The following MCAM variants were observed in gnomAD, a reference collection of about 807,000 sequenced individuals.
MCAM encodes the protein melanoma cell adhesion molecule, also known as cell surface glycoprotein MUC18.
In MCAM, 55 loss-of-function variants were observed where a neutral mutation model predicts 79.1. That is an observed-to-expected ratio of 0.70 (90% CI 0.56 to 0.87). The LOEUF is 0.87. MCAM is among the 40% of genes least tolerant of loss of function. The pLI, the probability that MCAM is intolerant of heterozygous loss-of-function variation, is 0.00. For missense variants in MCAM, 745 were observed against 839.8 expected, an observed-to-expected ratio of 0.89 and a Z score of 1.40; for synonymous variants, 330 against 339.8, an observed-to-expected ratio of 0.97 and a Z score of 0.32.
At chr11:119,313,087 T>G (rs546494246) in intron 5 of MCAM, 138 bp from the exon 6 acceptor site, 40 of 1,543,234 alleles carry the variant, frequency 2.6e-5, no homozygotes, top group African/African-American at 2.2e-4. Flanking sequence ...AAATGCAAGC[T>G]GGAAACCCTT....
At chr11:119,313,184 G>A (rs746054241) in intron 5 of MCAM, 1 of 1,493,346 alleles carries the variant, frequency 6.7e-7, no homozygotes, top group South Asian at 1.2e-5. Context: ...AAAGAATGCT[G>A]CAATGATAAA....
chr11:119,312,357 C>T lies in MCAM; in HGVS notation c.933G>A (p.Arg311=), dbSNP rs35607515. ...ATTCATAGCGCCCACTGTGTTCCTT[C>T]CGGGCAGGCTCCAGCACCAGGACCC... is the stretch of plus-strand genomic sequence containing the variant. ...DNGVLVLEPA[R]KEHSGRYECQ... Residue 311 remains arginine, a synonymous_variant, in exon 8 of 16, where the codon CGG becomes CGA. Coordinates refer to ENST00000264036, the MANE Select transcript of MCAM (RefSeq NM_006500.3). This position sits in a 1 kb window ranked among gnomAD's most constrained non-coding sequence, Gnocchi z 4.9. 59,242 of 1,614,056 alleles carry T rather than the reference C, an allele frequency of 0.037. 1,371 individuals carry two copies. Among genetic ancestry groups the T allele is most frequent in the Non-Finnish European group, 0.044 (52,180 of 1,179,990 alleles).
chr11:119,312,258 C>T lies in MCAM; in HGVS notation c.1024+8G>A, dbSNP rs202103867. ...TGGTCCCCCTGTCCTGGGTCCCCAG[C>T]CCCTCACAGTTCACCAGTAGTTCCT... is the stretch of plus-strand genomic sequence containing the variant. On this transcript the variant is annotated splice_region_variant and intron_variant, in intron 8 of 15. Coordinates refer to ENST00000264036, the MANE Select transcript of MCAM (RefSeq NM_006500.3). The surrounding 1 kb of genome is among the most constrained non-coding windows in gnomAD (Gnocchi z 4.9). The T allele has an allele frequency of 4.7e-4, 762 of 1,613,752 alleles. No homozygotes were observed. The highest frequency in any genetic ancestry group is 6.0e-4 in the Non-Finnish European group (710 of 1,179,848).
Position 119,312,857 on chromosome 11 carries a change from C to T in MCAM, c.652G>A (p.Asp218Asn). 6.2e-7 allele frequency: 1 copy of T among 1,614,200 alleles called. No homozygotes were observed. The change falls in exon 6 of 16, where the codon GAT (aspartate) becomes AAT (asparagine). Residue 218 changes from aspartate to asparagine, a missense_variant. Physicochemically the swap from Asp to Asn is conservative, Grantham distance 23 (BLOSUM62 1). Coordinates refer to ENST00000264036, the MANE Select transcript of MCAM (RefSeq NM_006500.3). The surrounding 1 kb of genome is among the most constrained non-coding windows in gnomAD (Gnocchi z 4.9). ...TTGAGCTCACAGTAAAACTGGGCATCTTTGTCTTCTTTAACCAGCTGTGCC... is the reference window on the plus strand; with the variant it reads ...TTGAGCTCACAGTAAAACTGGGCATTTTTGTCTTCTTTAACCAGCTGTGCC... ...LKAQLVKEDK[D>N]AQFYCELNYR...
Position 119,309,035 on chromosome 11 carries a change from G to C in MCAM, c.*851C>G, listed in dbSNP as rs754899285. On this transcript the variant is annotated 3_prime_UTR_variant, in exon 16 of 16. Coordinates refer to ENST00000264036, the MANE Select transcript of MCAM (RefSeq NM_006500.3). ...TGCCCAGGCTGGAGTGCAGTGGCAC[G>C]GTCTCGGCTCACTGCAAGCTCCACC... 1.3e-5 allele frequency: 2 copies of C among 152,162 alleles called. No homozygotes were observed. Among genetic ancestry groups the C allele is most frequent in the African/African-American group, 4.8e-5 (2 of 41,418 alleles). The allele number at this position is 152,162 out of a possible 1,614,324, so 9.4% of individuals were successfully genotyped here.
rs1349296991 is a variant in MCAM, at chr11:119,309,767, G to A, written c.*119C>T. On this transcript the variant is annotated 3_prime_UTR_variant, in exon 16 of 16. Coordinates refer to ENST00000264036, the MANE Select transcript of MCAM (RefSeq NM_006500.3). Reference sequence around the variant, plus strand: ...ACCCAGTGGCCCTCTGAAAGGGGGTGTGCAGGCGAGGGGAGCAGGAGGCTT... The same window carrying A: ...ACCCAGTGGCCCTCTGAAAGGGGGTATGCAGGCGAGGGGAGCAGGAGGCTT... 16 of 1,060,906 alleles carry A rather than the reference G, an allele frequency of 1.5e-5. No individual in the cohort carries two copies. Among genetic ancestry groups the A allele is most frequent in the Non-Finnish European group, 2.1e-5 (15 of 709,202 alleles). 65.7% of individuals were successfully genotyped at this position (1,060,906 alleles called of 1,614,324 possible).
chr11:119,311,200 G>A lies in MCAM; in HGVS notation c.1550-15C>T. On this transcript the variant is annotated splice_polypyrimidine_tract_variant and intron_variant, in intron 12 of 15. Coordinates refer to ENST00000264036, the MANE Select transcript of MCAM (RefSeq NM_006500.3). This position sits in a 1 kb window ranked among gnomAD's most constrained non-coding sequence, Gnocchi z 4.4. ...GGTTAAATTGACTAGGAGGCAGAGG[G>A]AGGGGTGTTAGGAGAAGCGCAAGTT... 3.7e-6 allele frequency: 6 copies of A among 1,613,898 alleles called. No individual in the cohort carries two copies. Among genetic ancestry groups the A allele is most frequent in the Non-Finnish European group, 5.1e-6 (6 of 1,179,766 alleles).
At position 119,310,922 on chromosome 11, in the gene MCAM, C is replaced by T. The variant is rs1226160870; in HGVS notation, c.1646-19G>A. The T allele has an allele frequency of 2.5e-6, 4 of 1,614,042 alleles. No individual in the cohort carries two copies. In the African/African-American group the frequency reaches 4.0e-5, roughly 16 times the overall value. On this transcript the variant is annotated intron_variant, in intron 13 of 15. Coordinates refer to ENST00000264036, the MANE Select transcript of MCAM (RefSeq NM_006500.3). The stretch of plus-strand genomic sequence containing the variant: ...TTTCTCTCTGCGCCACAAAGACACT[C>T]CTCGTCACTCCCTGCCCCAGGCCAC...
chr11:119,311,412 G>T lies in MCAM; in HGVS notation c.1417C>A (p.Gln473Lys). 6.2e-7 allele frequency: 1 copy of T among 1,614,118 alleles called. No individual in the cohort carries two copies. The highest frequency in any genetic ancestry group is 1.3e-5 in the African/African-American group (1 of 75,032). The change falls in exon 12 of 16, where the codon CAA (glutamine) becomes AAA (lysine). Residue 473 changes from glutamine to lysine, a missense_variant. Gln to Lys is a moderately conservative substitution (Grantham distance 53). Transcript: ENST00000264036. The surrounding 1 kb of genome is among the most constrained non-coding windows in gnomAD (Gnocchi z 4.4). Reference sequence around the variant, plus strand: ...AGGACTCGCTGTGGATCTTGGTCTTGTTCACTTGCCTGCGAGGAAAGGAAG... The same window carrying T: ...AGGACTCGCTGTGGATCTTGGTCTTTTTCACTTGCCTGCGAGGAAAGGAAG... ...SWNVNGTASE[Q>K]DQDPQRVLST...
Position 119,317,088 on chromosome 11 carries a change from C to G in MCAM, c.14G>C (p.Arg5Thr), listed in dbSNP as rs1950319235. The change falls in exon 1 of 16, where the codon AGG becomes ACG. Residue 5 changes from arginine (R) to threonine (T), a missense_variant. Physicochemically the swap from Arg to Thr is moderately conservative, Grantham distance 71. Transcript: ENST00000264036. This position sits in a 1 kb window ranked among gnomAD's most constrained non-coding sequence, Gnocchi z 6.2. MGLPRLVCAFLLAAC... is the reference protein window; with the variant it reads MGLPTLVCAFLLAAC... ...GGCGAGCAAGAAGGCGCAGACCAGCCTGGGAAGCCCCATGCTTCCCGGCCG... is the reference window on the plus strand; with the variant it reads ...GGCGAGCAAGAAGGCGCAGACCAGCGTGGGAAGCCCCATGCTTCCCGGCCG... The G allele has an allele frequency of 6.5e-7, 1 of 1,531,358 alleles. No homozygotes were observed. Among genetic ancestry groups the G allele is most frequent in the Non-Finnish European group, 8.7e-7 (1 of 1,142,994 alleles). The allele number at this position is 1,531,358 out of a possible 1,614,324, so 94.9% of individuals were successfully genotyped here.
rs1455222074 is a variant in MCAM at position 119,309,932 on chromosome 11, G to A, written c.1912-17C>T. 2 of 1,596,776 alleles carry A rather than the reference G, an allele frequency of 1.3e-6. No homozygotes were observed. The highest frequency in any genetic ancestry group is 2.7e-5 in the African/African-American group (2 of 74,754). Reference sequence around the variant, plus strand: ...TTTCTCTCCCTAAAAGTGGGTAGAGGAGAAGAGGGGAACACGGAGACGGTG... The same window carrying A: ...TTTCTCTCCCTAAAAGTGGGTAGAGAAGAAGAGGGGAACACGGAGACGGTG... On this transcript the variant is annotated splice_polypyrimidine_tract_variant and intron_variant, in intron 15 of 15. Coordinates refer to ENST00000264036, the MANE Select transcript of MCAM (RefSeq NM_006500.3).
rs895582012 is a variant in MCAM at position 119,308,574 on chromosome 11, C to CATAT, written c.*1308_*1311dup. 9 of 149,406 alleles carry CATAT rather than the reference C, an allele frequency of 6.0e-5. No individual in the cohort carries two copies. Among genetic ancestry groups the CATAT allele is most frequent in the Admixed American group, 4.7e-4 (7 of 14,852 alleles). 9.3% of individuals were successfully genotyped at this position (149,406 alleles called of 1,614,324 possible). A position where few individuals can be genotyped will look rare whatever the true frequency, so the allele number is the denominator to read the frequency against. On this transcript the variant is annotated 3_prime_UTR_variant, in exon 16 of 16. Coordinates refer to ENST00000264036, the MANE Select transcript of MCAM (RefSeq NM_006500.3). ...TATTTTTCATATATATATATATTTTCATATATATATATACATACATATATA... is the reference window on the plus strand; with the variant it reads ...TATTTTTCATATATATATATATTTTCATATATATATATATATACATACATATATA...
rs1186829910 is a variant in MCAM, at chr11:119,314,705, G to A, written c.445C>T (p.Pro149Ser). 1.4e-5 allele frequency: 22 copies of A among 1,613,958 alleles called. No homozygotes were observed. The highest frequency in any genetic ancestry group is 1.9e-5 in the Non-Finnish European group (22 of 1,179,984). The stretch of plus-strand genomic sequence containing the variant: ...TCCTCAGGCTCCTTACTGTTCACAG[G>A]GATGCCCAGGGGGTTGACCTGGATG... ...PNIQVNPLGI[P>S]VNSKEPEEVA... The change falls in exon 4 of 16, where the codon CCT (proline) becomes TCT (serine). Residue 149 changes from proline to serine, a missense_variant. By Grantham distance (74) the Pro-to-Ser change is moderately conservative. Coordinates refer to ENST00000264036, the MANE Select transcript of MCAM (RefSeq NM_006500.3).
chr11:119,308,716 T>G lies in MCAM; in HGVS notation c.*1170A>C, dbSNP rs1671625816. On this transcript the variant is annotated 3_prime_UTR_variant, in exon 16 of 16. Transcript: ENST00000264036. ...TCTAGCCAGGCCCGTTTTCCATCCC[T>G]AAGTACCATTCTCTCATTTGGGCCC... 6.6e-6 allele frequency: 1 copy of G among 152,106 alleles called. No individual in the cohort carries two copies. Among genetic ancestry groups the G allele is most frequent in the Admixed American group, 6.5e-5 (1 of 15,268 alleles). The allele number at this position is 152,106 out of a possible 1,614,324, so 9.4% of individuals were successfully genotyped here.
At chr11:119,313,461 A>T (rs1265551757) in intron 5 of MCAM, 1 of 592,400 alleles carries the variant, frequency 1.7e-6, no homozygotes, top group Admixed American at 3.7e-5. Flanking sequence ...GCAGTGGTAC[A>T]ATCTCGGCTC....
chr11:119,317,123 A>T lies in MCAM; in HGVS notation c.-22T>A, dbSNP rs1420584368. ...CCATGCTTCCCGGCCGGAGGGCGAG[A>T]GCCAAGTGAGCAGCTCGAGGCTGCC... On this transcript the variant is annotated 5_prime_UTR_variant, in exon 1 of 16. Coordinates refer to ENST00000264036, the MANE Select transcript of MCAM (RefSeq NM_006500.3). The surrounding 1 kb of genome is among the most constrained non-coding windows in gnomAD (Gnocchi z 6.2). 1 of 1,512,640 alleles carries T rather than the reference A, an allele frequency of 6.6e-7. No homozygotes were observed. The allele number at this position is 1,512,640 out of a possible 1,614,324, so 93.7% of individuals were successfully genotyped here.
At position 119,311,465 on chromosome 11, in the gene MCAM, T is replaced by TCTGGTC; in HGVS notation, c.1408-50_1408-45dup. 4 of 1,613,554 alleles carry TCTGGTC rather than the reference T, an allele frequency of 2.5e-6. No homozygotes were observed. The highest frequency in any genetic ancestry group is 3.4e-6 in the Non-Finnish European group (4 of 1,179,540). ...GGCAGCTCAGGGGATGGGGAGGATC[T>TCTGGTC]CTGGTCCTGGCCACAAAGCGCAGGC... On this transcript the variant is annotated intron_variant, in intron 11 of 15. Transcript: ENST00000264036. This position sits in a 1 kb window ranked among gnomAD's most constrained non-coding sequence, Gnocchi z 4.4.
chr11:119,315,163 G>GC lies in MCAM; in HGVS notation c.167_168insG (p.Asn56LysfsTer98). ...CAGAAAACCAGTCGACATGGCTGAG[G>GC]TTGCCTTGGGACTGGGAGAGGCCGC... On this transcript the variant is annotated frameshift_variant, in exon 2 of 16. Coordinates refer to ENST00000264036, the MANE Select transcript of MCAM (RefSeq NM_006500.3). LOFTEE classifies it high-confidence loss of function. This position sits in a 1 kb window ranked among gnomAD's most constrained non-coding sequence, Gnocchi z 4.4. The GC allele has an allele frequency of 6.2e-7, 1 of 1,613,558 alleles. No individual in the cohort carries two copies. The highest frequency in any genetic ancestry group is 8.5e-7 in the Non-Finnish European group (1 of 1,180,006).
At position 119,309,786 on chromosome 11, in the gene MCAM, G is replaced by C; in HGVS notation, c.*100C>G. The C allele has an allele frequency of 8.0e-7, 1 of 1,244,798 alleles. No individual in the cohort carries two copies. The highest frequency in any genetic ancestry group is 1.2e-6 in the Non-Finnish European group (1 of 868,358). The allele number at this position is 1,244,798 out of a possible 1,614,324, so 77.1% of individuals were successfully genotyped here. A position where few individuals can be genotyped will look rare whatever the true frequency, so the allele number is the denominator to read the frequency against. On this transcript the variant is annotated 3_prime_UTR_variant, in exon 16 of 16. Coordinates refer to ENST00000264036, the MANE Select transcript of MCAM (RefSeq NM_006500.3). ...GGGGGTGTGCAGGCGAGGGGAGCAG[G>C]AGGCTTCTCTCTAGTCCCTTTGGAG...
Sources: allele counts gnomAD v4.1 joint callset, GRCh38; gene constraint gnomAD v4.1.1; non-coding constraint Gnocchi (gnomAD v3.1); transcripts MANE v1.5; gene names NCBI Gene and HGNC (gene_info 2026-07-23, HGNC 2026-07-21).